The following NAA38 variants were observed in gnomAD, a reference collection of about 807,000 sequenced individuals.
The protein encoded by NAA38 is LSM domain containing 1.
A neutral mutation model predicts 12.6 loss-of-function variants in NAA38; 15 were observed. The observed-to-expected ratio is 1.19, with a 90% CI of 0.79 to 1.83. NAA38 has a LOEUF of 1.83. NAA38 is among the 40% of genes most tolerant of loss of function. NAA38 has a pLI of 0.00. For missense variants in NAA38, 183 were observed against 171.7 expected (o/e 1.07, Z -0.37); for synonymous variants, 88 against 69.9 (o/e 1.26, Z -1.29).
At chr17:7,870,867 C>T (rs902297064) in intron 2 of NAA38, among the ~76,000 whole-genome samples, 32 of 146,278 alleles carry the variant, frequency 2.2e-4, no homozygotes, top group South Asian at 6.6e-4. Context: ...AGCTTGGGGG[C>T]GACAGAGCAA....
upstream of NAA38, chr17:7,858,472 C>A (rs1414455053): frequency 1.9e-6 from 3 of 1,614,046 alleles, no homozygotes; most frequent in Non-Finnish European, 2.5e-6. Context: ...GATCCAAAGA[C>A]CAGAGACGTG....
chr17:7,870,530 A>T (rs146867095), intron 2 of NAA38, among the ~76,000 whole-genome samples: 1 of 152,218 alleles, frequency 6.6e-6, no homozygotes, highest in South Asian at 2.1e-4. Flanking sequence ...TTTATTAGGT[A>T]CTGGAGGTAC....
chr17:7,879,888 A>C (rs1967241032), intron 2 of NAA38, among the ~76,000 whole-genome samples: 1 of 152,102 alleles, frequency 6.6e-6, no homozygotes, highest in African/African-American at 2.4e-5. Context: ...GGAGAGATGC[A>C]AGAACTGAGC....
At position 7,857,125 on chromosome 17, in the gene NAA38, G is replaced by A; in HGVS notation, c.155C>T (p.Thr52Ile). ...TCCATCTGTCATGCGAATGCGCATAGTCTTGTTGAGCAGCGCCTCTAGCTG... is the reference window on the plus strand; with the variant it reads ...TCCATCTGTCATGCGAATGCGCATAATCTTGTTGAGCAGCGCCTCTAGCTG... ...RQQLEALLNK[T>I]MRIRMTDGRT... The change falls in exon 2 of 3, where the codon ACT becomes ATT. Residue 52 changes from threonine to isoleucine, a missense_variant. By Grantham distance (89) the Thr-to-Ile change is moderately conservative. Transcript: ENST00000575771. 1 of 1,613,412 alleles carries A rather than the reference G, an allele frequency of 6.2e-7. No homozygotes were observed. The highest frequency in any genetic ancestry group is 8.5e-7 in the Non-Finnish European group (1 of 1,180,044).
At chr17:7,858,082 G>A (rs1964313762), upstream of NAA38, 8 of 1,606,422 alleles carry the variant, frequency 5.0e-6, no homozygotes, top group Admixed American at 8.4e-5. Flanking sequence ...GTGAGTACGT[G>A]CTGAGGAGCA....
At chr17:7,879,806 C>T (rs1967239118) in intron 2 of NAA38, among the ~76,000 whole-genome samples, 1 of 151,732 alleles carries the variant, frequency 6.6e-6, no homozygotes, top group Admixed American at 6.6e-5. Context: ...GACACACAGG[C>T]ATAGATAAAA....
chr17:7,858,535 G>T, upstream of NAA38: 2 of 1,613,804 alleles, frequency 1.2e-6, no homozygotes, highest in South Asian at 1.1e-5. Flanking sequence ...GCGGGGATGG[G>T]AAGGAAAGGC....
chr17:7,856,875 AG>A (rs1456934169), intron 2 of NAA38, 32 bp from the exon 3 acceptor site: 1 of 1,609,844 alleles, frequency 6.2e-7, no homozygotes, highest in Non-Finnish European at 8.5e-7. Context: ...TCAGGAAAGT[AG>A]GCCAGAATCA....
chr17:7,884,878 G>A, intron 1 of NAA38: 2 of 1,332,598 alleles, frequency 1.5e-6, no homozygotes, highest in Admixed American at 2.3e-5. Flanking sequence ...AAGAAGAGGA[G>A]GAAGAAGAGG....
At chr17:7,859,267 G>A (rs1345262397), upstream of NAA38, 18 of 771,994 alleles carry the variant, frequency 2.3e-5, no homozygotes, top group Admixed American at 4.4e-4. Context: ...TTTTTTTCCC[G>A]GGGCCGTAGA....
chr17:7,871,168 A>G (rs1967079231), intron 2 of NAA38, among the ~76,000 whole-genome samples: 2 of 152,146 alleles, frequency 1.3e-5, no homozygotes, highest in Non-Finnish European at 2.9e-5. Context: ...CACATCATCT[A>G]ATTTTCTTTT....
chr17:7,857,946 T>C (rs977319762), upstream of NAA38: 97 of 1,440,272 alleles, frequency 6.7e-5, no homozygotes, highest in Middle Eastern at 2.6e-4. Context: ...CGTGAACACG[T>C]GCAGTCCAAA....
At chr17:7,873,646 C>A (rs900582328) in intron 2 of NAA38, among the ~76,000 whole-genome samples, 1 of 151,470 alleles carries the variant, frequency 6.6e-6, no homozygotes, top group African/African-American at 2.4e-5. Context: ...CGCTGCTAAC[C>A]ATTAGTCCCT....
intron 2 of NAA38, among the ~76,000 whole-genome samples, chr17:7,877,365 T>C (rs557313879): frequency 6.4e-4 from 93 of 145,112 alleles, no homozygotes; most frequent in African/African-American, 2.3e-3. Flanking sequence ...ATAAACTAAA[T>C]GATGTCATTT....
At chr17:7,869,467 A>T (rs1334263489) in intron 2 of NAA38, among the ~76,000 whole-genome samples, 2 of 152,248 alleles carry the variant, frequency 1.3e-5, no homozygotes, top group African/African-American at 4.8e-5. Flanking sequence ...AGTCTGAAAT[A>T]AAAATGATGC....
chr17:7,858,147 G>C (rs1291491386), upstream of NAA38: 26 of 1,613,416 alleles, frequency 1.6e-5, no homozygotes, highest in Admixed American at 5.0e-5. Flanking sequence ...GCCGCGCCGG[G>C]GCCTGGTGGC....
chr17:7,884,697 A>C (rs1967467745), intron 1 of NAA38: 4 of 105,262 alleles, frequency 3.8e-5, no homozygotes, highest in Non-Finnish European at 5.2e-5. Flanking sequence ...GCCGCCGCCG[A>C]GGAGGAGGAG....
intron 2 of NAA38, among the ~76,000 whole-genome samples, chr17:7,876,751 C>T (rs922399713): frequency 6.6e-6 from 1 of 152,130 alleles, no homozygotes; most frequent in Non-Finnish European, 1.5e-5. Context: ...CTCCCTTCAC[C>T]TAGTCAATCT....
intron 2 of NAA38, among the ~76,000 whole-genome samples, chr17:7,866,863 T>C (rs1966992643): frequency 6.6e-6 from 1 of 152,212 alleles, no homozygotes; most frequent in Admixed American, 6.5e-5. Context: ...TACTCAGCCC[T>C]AGCCCAGTGC....
Sources: gnomAD v4.1 joint callset for allele counts (sites outside exome capture counted in the v4.1 genomes callset) on GRCh38, gnomAD v4.1.1 for gene constraint, MANE v1.5 for transcripts, NCBI Gene and HGNC (gene_info 2026-07-23, HGNC 2026-07-21) for gene names.